Variants in AKR1C8 observed in about 807,000 individuals in gnomAD.
The protein encoded by AKR1C8 is aldo-keto reductase family 1 member C8.
the AKR1C8 span, among the ~76,000 whole-genome samples, chr10:5,126,076 C>A: frequency 6.6e-6 from 1 of 152,184 alleles, no homozygotes; most frequent in African/African-American, 2.4e-5. Flanking sequence ...AATTTCAGTG[C>A]TAGATTCAGT....
the AKR1C8 span, among the ~76,000 whole-genome samples, chr10:5,128,842 A>G: frequency 6.6e-6 from 1 of 152,124 alleles, no homozygotes; most frequent in African/African-American, 2.4e-5. Context: ...ATAGTGAGGG[A>G]CTCAATACTC....
the AKR1C8 span, among the ~76,000 whole-genome samples, chr10:5,125,006 A>C: frequency 6.6e-6 from 1 of 151,870 alleles, no homozygotes; most frequent in African/African-American, 2.4e-5. Flanking sequence ...AAAAAAAGTT[A>C]ACTTATCAAA....
chr10:5,154,228 CAA>C, the AKR1C8 span: 13 of 468,414 alleles, frequency 2.8e-5, no homozygotes, highest in African/African-American at 2.4e-4. Flanking sequence ...TCCATTCTGT[CAA>C]AGAGTTTTTC....
chr10:5,135,721 C>T, the AKR1C8 span, among the ~76,000 whole-genome samples: 1 of 150,484 alleles, frequency 6.6e-6, no homozygotes, highest in Non-Finnish European at 1.5e-5. Context: ...TATTTTATGT[C>T]ATATAAATGA....
chr10:5,176,994 G>A, the AKR1C8 span, among the ~76,000 whole-genome samples: 1 of 151,888 alleles, frequency 6.6e-6, no homozygotes, highest in African/African-American at 2.4e-5. Flanking sequence ...AATTGCCCTG[G>A]CCAGAACTTC....
chr10:5,153,151 A>T, the AKR1C8 span, among the ~76,000 whole-genome samples: 2 of 152,158 alleles, frequency 1.3e-5, no homozygotes, highest in African/African-American at 2.4e-5. Flanking sequence ...GGATTTTAAA[A>T]TTTTTATTTT....
the AKR1C8 span, chr10:5,161,029 A>C: frequency 7.6e-6 from 3 of 392,512 alleles, no homozygotes; most frequent in Non-Finnish European, 1.5e-5. Context: ...TTGTGCCTAC[A>C]TTTGCATGCA....
chr10:5,168,307 C>A, the AKR1C8 span, among the ~76,000 whole-genome samples: 2 of 151,816 alleles, frequency 1.3e-5, no homozygotes, highest in Non-Finnish European at 2.9e-5. Flanking sequence ...AGAGAAATGA[C>A]CCCCCAGAAA....
chr10:5,183,626 A>G, the AKR1C8 span, among the ~76,000 whole-genome samples: 13 of 152,194 alleles, frequency 8.5e-5, no homozygotes, highest in Admixed American at 8.5e-4. Flanking sequence ...CGACAAAAAA[A>G]TAGCCAGAAA....
chr10:5,136,952 C>G, the AKR1C8 span, among the ~76,000 whole-genome samples: 1 of 152,018 alleles, frequency 6.6e-6, no homozygotes, highest in Non-Finnish European at 1.5e-5. Context: ...TCCAGACCAC[C>G]AACATAAAGC....
the AKR1C8 span, chr10:5,132,457 ATTTTAG>A: frequency 1.4e-6 from 1 of 697,452 alleles, no homozygotes; most frequent in Non-Finnish European, 2.0e-6. Flanking sequence ...GCCGCCTTTT[ATTTTAG>A]TTTTAATACA....
the AKR1C8 span, among the ~76,000 whole-genome samples, chr10:5,136,538 A>G: frequency 6.6e-6 from 1 of 152,264 alleles, no homozygotes; most frequent in African/African-American, 2.4e-5. Flanking sequence ...TCCATGATTA[A>G]CATCCCTGAT....
At chr10:5,161,061 A>G in the AKR1C8 span, among the ~76,000 whole-genome samples, 1 of 152,026 alleles carries the variant, frequency 6.6e-6, no homozygotes. Flanking sequence ...GTGTATATAT[A>G]TGTGTGTGGG....
At chr10:5,143,677 A>T in the AKR1C8 span, among the ~76,000 whole-genome samples, 1 of 149,058 alleles carries the variant, frequency 6.7e-6, no homozygotes, top group Non-Finnish European at 1.5e-5. Context: ...AAACATATGG[A>T]TCTAACATAT....
At chr10:5,117,942 T>C in the AKR1C8 span, among the ~76,000 whole-genome samples, 1 of 152,136 alleles carries the variant, frequency 6.6e-6, no homozygotes, top group East Asian at 1.9e-4. Context: ...ATTCAGCATA[T>C]GGTTAGGAGG....
At chr10:5,133,751 G>A in the AKR1C8 span, among the ~76,000 whole-genome samples, 1 of 152,040 alleles carries the variant, frequency 6.6e-6, no homozygotes, top group Non-Finnish European at 1.5e-5. Flanking sequence ...GAGAAATTCT[G>A]GCCTCCAACT....
At chr10:5,144,428 G>A in the AKR1C8 span, among the ~76,000 whole-genome samples, 1 of 152,086 alleles carries the variant, frequency 6.6e-6, no homozygotes, top group Admixed American at 6.6e-5. Context: ...TTGGTAGCTT[G>A]ATGGGGATGG....
At chr10:5,146,012 G>A in the AKR1C8 span, among the ~76,000 whole-genome samples, 2 of 151,944 alleles carry the variant, frequency 1.3e-5, no homozygotes, top group African/African-American at 2.4e-5. Context: ...GGAATACTAT[G>A]CAGCCATAAA....
chr10:5,118,369 C>A, the AKR1C8 span, among the ~76,000 whole-genome samples: 1 of 58,928 alleles, frequency 1.7e-5, no homozygotes, highest in South Asian at 3.2e-4. Flanking sequence ...TTCTTCTTGG[C>A]CTAAGTAGCA....
Sources: allele counts gnomAD v4.1 joint callset (sites outside exome capture counted in the v4.1 genomes callset), GRCh38; gene constraint gnomAD v4.1.1; transcripts MANE v1.5; gene names NCBI Gene and HGNC (gene_info 2026-07-23, HGNC 2026-07-21).